Variants in MALT1 observed in about 807,000 individuals in gnomAD.
MALT1 encodes mucosa-associated lymphoid tissue lymphoma translocation protein 1.
Under a neutral mutation model 85.5 loss-of-function variants are expected in MALT1, and 36 were observed. The observed-to-expected ratio is 0.42, with a 90% CI of 0.32 to 0.56. MALT1 has a LOEUF of 0.56. MALT1 is among the 20% of genes least tolerant of loss of function. The pLI is 0.10. For missense variants in MALT1, 716 were observed against 981.6 expected (o/e 0.73, Z 3.62); for synonymous variants, 359 against 361.3 (o/e 0.99, Z 0.07).
intron 4 of MALT1, among the ~76,000 whole-genome samples, chr18:58,705,545 A>G (rs547689872): frequency 2.6e-4 from 36 of 136,172 alleles, no homozygotes; most frequent in African/African-American, 9.1e-4. Flanking sequence ...TCATTGTTCA[A>G]TTCCCACCTA....
chr18:58,735,147 A>G, intron 12 of MALT1, 55 bp from the exon 13 acceptor site: 2 of 1,453,486 alleles, frequency 1.4e-6, no homozygotes, highest in Non-Finnish European at 1.9e-6. Context: ...TATAAGTGAG[A>G]ACATACAGTA....
intron 4 of MALT1, among the ~76,000 whole-genome samples, chr18:58,702,654 CTT>C (rs940144959): frequency 1.3e-5 from 2 of 152,180 alleles, no homozygotes; most frequent in African/African-American, 4.8e-5. Flanking sequence ...CTTTTCAATT[CTT>C]TTCCATAATG....
Position 58,734,455 on chromosome 18 carries a change from A to C in MALT1, c.1475+74A>C, listed in dbSNP as rs1008926466. 1.1e-5 allele frequency: 13 copies of C among 1,180,468 alleles called. No homozygotes were observed. In the Admixed American group the frequency reaches 1.9e-4, roughly 17 times the overall value. The allele number at this position is 1,180,468 out of a possible 1,614,324, so 73.1% of individuals were successfully genotyped here. On this transcript the variant is annotated intron_variant, in intron 12 of 16. Transcript: ENST00000649217. ...CTTTTTGTTTTTGCTTTTTAGGAGC[A>C]GGGGTCTTAACTCTGTCACCCAGGC...
chr18:58,672,896 ATATTGT>A (rs1162955117), intron 1 of MALT1: 2 of 152,216 alleles, frequency 1.3e-5, no homozygotes, highest in Non-Finnish European at 2.9e-5. Context: ...TAAAGTCTTA[ATATTGT>A]TATGAAAAAT....
At chr18:58,678,472 C>A (rs1280900482) in intron 1 of MALT1, among the ~76,000 whole-genome samples, 1 of 152,020 alleles carries the variant, frequency 6.6e-6, no homozygotes, top group Non-Finnish European at 1.5e-5. Flanking sequence ...TGTGTGTATA[C>A]ACACACATAT....
chr18:58,749,943 T>C lies in MALT1; in HGVS notation c.*2101T>C, dbSNP rs1210706160. Reference sequence around the variant, plus strand: ...ACTCGGCACTACTTCTATTCAGCATTGTACTTGAAGTTCTAGCCACAGCAG... The same window carrying C: ...ACTCGGCACTACTTCTATTCAGCATCGTACTTGAAGTTCTAGCCACAGCAG... On this transcript the variant is annotated 3_prime_UTR_variant, in exon 17 of 17. Coordinates refer to ENST00000649217, the MANE Select transcript of MALT1 (RefSeq NM_006785.4). 1.9e-5 allele frequency: 4 copies of C among 209,546 alleles called. No individual in the cohort carries two copies. Among genetic ancestry groups the C allele is most frequent in the African/African-American group, 9.1e-5 (4 of 44,144 alleles). 13.0% of individuals were successfully genotyped at this position (209,546 alleles called of 1,614,324 possible). A position where few individuals can be genotyped will look rare whatever the true frequency, so the allele number is the denominator to read the frequency against.
At position 58,748,565 on chromosome 18, in the gene MALT1, A is replaced by ATGTT. The variant is rs529489620; in HGVS notation, c.*728_*731dup. 3 of 187,990 alleles carry ATGTT rather than the reference A, an allele frequency of 1.6e-5. No homozygotes were observed. The highest frequency in any genetic ancestry group is 3.4e-5 in the Non-Finnish European group (3 of 88,876). 11.6% of individuals were successfully genotyped at this position (187,990 alleles called of 1,614,324 possible). On this transcript the variant is annotated 3_prime_UTR_variant, in exon 17 of 17. Coordinates refer to ENST00000649217, the MANE Select transcript of MALT1 (RefSeq NM_006785.4). ...ATGAAACCACATGAGAAGTGATAAA[A>ATGTT]TGTTTGTTAAAGCTAGATAGAGGTT...
intron 3 of MALT1, among the ~76,000 whole-genome samples, chr18:58,698,330 G>T (rs1323599043): frequency 6.6e-6 from 1 of 152,120 alleles, no homozygotes; most frequent in Non-Finnish European, 1.5e-5. Flanking sequence ...CTCCCAAAGT[G>T]CTGGGATTAC....
chr18:58,703,137 T>A (rs1371173574), intron 4 of MALT1, among the ~76,000 whole-genome samples: 1 of 152,144 alleles, frequency 6.6e-6, no homozygotes. Flanking sequence ...GGCAGGCAGA[T>A]CACGAGGTCG....
chr18:58,681,441 G>A lies in MALT1; in HGVS notation c.376+105G>A, dbSNP rs1240023397. On this transcript the variant is annotated intron_variant, in intron 2 of 16. Coordinates refer to ENST00000649217, the MANE Select transcript of MALT1 (RefSeq NM_006785.4). ...ACTGTGTTAAGTATTTTTGGAAAATGTAAATGTGTAGTGCCTTGTTTGCTT... is the reference window on the plus strand; with the variant it reads ...ACTGTGTTAAGTATTTTTGGAAAATATAAATGTGTAGTGCCTTGTTTGCTT... 4.8e-6 allele frequency: 5 copies of A among 1,039,404 alleles called. No homozygotes were observed. The Admixed American group carries it at 1.6e-4, about 34-fold the overall frequency. The allele number at this position is 1,039,404 out of a possible 1,614,324, so 64.4% of individuals were successfully genotyped here.
intron 2 of MALT1, among the ~76,000 whole-genome samples, chr18:58,682,204 G>A (rs941561221): frequency 5.3e-5 from 8 of 152,258 alleles, no homozygotes; most frequent in African/African-American, 1.7e-4. Context: ...ATATTTTTAA[G>A]TTAACATGAG....
Position 58,680,953 on chromosome 18 carries a change from A to T in MALT1, c.210-217A>T, listed in dbSNP as rs868222931. ...TCAAAAAAAAAAAAAAAAAAAAAAA[A>T]AATAATCATGGGAGCTGAGTGGGAG... On this transcript the variant is annotated intron_variant, in intron 1 of 16. Transcript: ENST00000649217. 2.5e-3 allele frequency among the ~76,000 whole-genome samples: 379 copies of T among 151,588 alleles called. 2 individuals are homozygous for T. Among genetic ancestry groups the T allele is most frequent in the Middle Eastern group, 0.014 (4 of 292 alleles).
chr18:58,720,104 T>G (rs2054963241), intron 9 of MALT1, among the ~76,000 whole-genome samples: 1 of 152,246 alleles, frequency 6.6e-6, no homozygotes, highest in Admixed American at 6.5e-5. Flanking sequence ...ATTATTCTTT[T>G]GCTGAATCCA....
chr18:58,690,779 G>T, intron 2 of MALT1: 1 of 207,284 alleles, frequency 4.8e-6, no homozygotes. Context: ...GCTTACCGAG[G>T]CCAAGTTAAT....
chr18:58,673,499 G>T (rs1372699973), intron 1 of MALT1, among the ~76,000 whole-genome samples: 1 of 151,822 alleles, frequency 6.6e-6, no homozygotes, highest in Non-Finnish European at 1.5e-5. Context: ...CTTTCGCCCA[G>T]GCTGGAGTGC....
chr18:58,735,193 ATTT>A lies in MALT1; in HGVS notation c.1476-6_1476-4del. 1 of 1,600,314 alleles carries A rather than the reference ATTT, an allele frequency of 6.2e-7. No homozygotes were observed. The highest frequency in any genetic ancestry group is 1.4e-5 in the African/African-American group (1 of 73,914). On this transcript the variant is annotated splice_polypyrimidine_tract_variant and splice_region_variant and intron_variant, in intron 12 of 16. Transcript: ENST00000649217. The stretch of plus-strand genomic sequence containing the variant: ...TGTGCCTGGCTTAACTTCTTTTTCT[ATTT>A]TTAAGGTGTCAAGGAGCAGAAGCTT...
chr18:58,744,598 A>C lies in MALT1; in HGVS notation c.1911+103A>C. 6 of 487,672 alleles carry C rather than the reference A, an allele frequency of 1.2e-5. No homozygotes were observed. The South Asian group carries it at 1.9e-4, about 15-fold the overall frequency. The allele number at this position is 487,672 out of a possible 1,614,324, so 30.2% of individuals were successfully genotyped here. A position where few individuals can be genotyped will look rare whatever the true frequency, so the allele number is the denominator to read the frequency against. ...GATGGTAAATATAAAGGAAATATATATATTTATATATGTGTATATATTTAT... is the reference window on the plus strand; with the variant it reads ...GATGGTAAATATAAAGGAAATATATCTATTTATATATGTGTATATATTTAT... On this transcript the variant is annotated intron_variant, in intron 15 of 16. Transcript: ENST00000649217.
chr18:58,672,565 A>G (rs2144288246), intron 1 of MALT1: 1 of 152,378 alleles, frequency 6.6e-6, no homozygotes, highest in South Asian at 2.1e-4. Flanking sequence ...GAGATAATAC[A>G]TACATGTAAT....
Position 58,732,088 on chromosome 18 carries a change from C to T in MALT1, c.1223-1309C>T, listed in dbSNP as rs150894635. ...CAAAGCCGCATTCTCTGCTAGGAGTCGGGGCCATAATTACAATGGATTAGC... is the reference window on the plus strand; with the variant it reads ...CAAAGCCGCATTCTCTGCTAGGAGTTGGGGCCATAATTACAATGGATTAGC... On this transcript the variant is annotated intron_variant, in intron 10 of 16. Transcript: ENST00000649217. Among the ~76,000 whole-genome samples, 1,132 of 152,184 alleles carry T rather than the reference C, an allele frequency of 7.4e-3. 6 individuals are homozygous for T. The highest frequency in any genetic ancestry group is 0.017 in the Middle Eastern group (5 of 294).
Sources: allele counts gnomAD v4.1 joint callset (sites outside exome capture counted in the v4.1 genomes callset), GRCh38; gene constraint gnomAD v4.1.1; transcripts MANE v1.5; gene names NCBI Gene and HGNC (gene_info 2026-07-23, HGNC 2026-07-21).